The following PIK3R1 variants were observed in gnomAD, a reference collection of about 807,000 sequenced individuals.
The protein encoded by PIK3R1 is phosphatidylinositol 3-kinase regulatory subunit alpha.
PIK3R1 carries 29 observed loss-of-function variants against 98.0 expected under a neutral mutation model. The ratio of observed to expected loss-of-function variants is 0.30; its 90% CI spans 0.22 to 0.40. The LOEUF is 0.40. PIK3R1 is among the 10% of genes least tolerant of loss of function. The pLI, the probability that PIK3R1 is intolerant of heterozygous loss-of-function variation, is 1.00. For missense variants in PIK3R1, 596 were observed against 872.7 expected, an observed-to-expected ratio of 0.68 and a Z score of 3.99; for synonymous variants, 282 against 311.8, an observed-to-expected ratio of 0.90 and a Z score of 1.01.
chr5:68,229,710 G>T (rs2111975876), intron 2 of PIK3R1, among the ~76,000 whole-genome samples: 1 of 152,288 alleles, frequency 6.6e-6, no homozygotes, highest in Admixed American at 6.5e-5. Flanking sequence ...CTCTGGCCAA[G>T]AGTACGTTCT....
chr5:68,226,086 G>T (rs547504708), intron 1 of PIK3R1, among the ~76,000 whole-genome samples: 1 of 151,902 alleles, frequency 6.6e-6, no homozygotes, highest in African/African-American at 2.4e-5. Flanking sequence ...GCCTCATGCC[G>T]ACACTCCTCC....
chr5:68,252,433 A>G (rs1182199227), intron 2 of PIK3R1, among the ~76,000 whole-genome samples: 1 of 152,008 alleles, frequency 6.6e-6, no homozygotes, highest in Non-Finnish European at 1.5e-5. Context: ...TGTAGCATTT[A>G]AAAGTGTGGT....
At chr5:68,256,129 G>C (rs1745505546) in intron 2 of PIK3R1, among the ~76,000 whole-genome samples, 1 of 152,194 alleles carries the variant, frequency 6.6e-6, no homozygotes, top group Non-Finnish European at 1.5e-5. Flanking sequence ...AAAACAGCCT[G>C]AACGTGGTTA....
At chr5:68,248,240 C>T (rs1745177928) in intron 2 of PIK3R1, among the ~76,000 whole-genome samples, 1 of 152,086 alleles carries the variant, frequency 6.6e-6, no homozygotes, top group Admixed American at 6.5e-5. Flanking sequence ...CCTCGGCCTC[C>T]GAGAGTGCTG....
chr5:68,235,114 T>G (rs1382048623), intron 2 of PIK3R1, among the ~76,000 whole-genome samples: 2 of 152,080 alleles, frequency 1.3e-5, no homozygotes, highest in Non-Finnish European at 2.9e-5. Flanking sequence ...AAAAAAATAA[T>G]TTTTGAGGCC....
intron 1 of PIK3R1, among the ~76,000 whole-genome samples, chr5:68,221,581 T>A (rs1744094432): frequency 6.6e-6 from 1 of 152,244 alleles, no homozygotes; most frequent in South Asian, 2.1e-4. Flanking sequence ...GATTTAAAAA[T>A]ATCCTGTATT....
rs1177281170 is a variant in PIK3R1, at chr5:68,298,518, G to C, written c.*917G>C. ...GAAAATATTGTTGTCCCGGATTTTT[G>C]TTAATATTCATTTTTGTTATCCTTT... On this transcript the variant is annotated 3_prime_UTR_variant, in exon 16 of 16. Transcript: ENST00000521381. 42 of 232,178 alleles carry C rather than the reference G, an allele frequency of 1.8e-4. No individual in the cohort carries two copies. The Admixed American group carries it at 2.4e-3, about 13-fold the overall frequency. The allele number at this position is 232,178 out of a possible 1,614,324, so 14.4% of individuals were successfully genotyped here. A position where few individuals can be genotyped will look rare whatever the true frequency, so the allele number is the denominator to read the frequency against.
At position 68,279,722 on chromosome 5, in the gene PIK3R1, C is replaced by A; in HGVS notation, c.623C>A (p.Ser208Tyr). 2 of 1,614,090 alleles carry A rather than the reference C, an allele frequency of 1.2e-6. No homozygotes were observed. Among genetic ancestry groups the A allele is most frequent in the Non-Finnish European group, 1.7e-6 (2 of 1,179,996 alleles). ...GCAGCCGTTTACAGTGAAATGATTTCTTTAGCTCCAGGTTTGTTTTTTCTC... is the reference window on the plus strand; with the variant it reads ...GCAGCCGTTTACAGTGAAATGATTTATTTAGCTCCAGGTTTGTTTTTTCTC... ...IPAAVYSEMI[S>Y]LAPEVQSSEE... The change falls in exon 5 of 16, where the codon TCT becomes TAT. Residue 208 changes from serine to tyrosine, a missense_variant. By Grantham distance (144) the Ser-to-Tyr change is moderately radical. Coordinates refer to ENST00000521381, the MANE Select transcript of PIK3R1 (RefSeq NM_181523.3).
intron 11 of PIK3R1, 110 bp from the exon 12 acceptor site, chr5:68,294,426 A>G: frequency 1.5e-6 from 1 of 674,968 alleles, no homozygotes; most frequent in Admixed American, 3.6e-5. Flanking sequence ...GATTTTATGA[A>G]TTTGAGTCCC....
intron 1 of PIK3R1, among the ~76,000 whole-genome samples, chr5:68,226,026 T>C (rs1207250906): frequency 6.6e-6 from 1 of 152,134 alleles, no homozygotes; most frequent in Non-Finnish European, 1.5e-5. Flanking sequence ...TGGCTCTGTG[T>C]ACTCTGAGCC....
chr5:68,269,942 A>G (rs1397155931), intron 2 of PIK3R1, among the ~76,000 whole-genome samples: 2 of 152,136 alleles, frequency 1.3e-5, no homozygotes, highest in Admixed American at 1.3e-4. Flanking sequence ...CAAAATCCTG[A>G]TCAGCTATGA....
At chr5:68,250,848 T>C (rs1012293537) in intron 2 of PIK3R1, among the ~76,000 whole-genome samples, 31 of 152,188 alleles carry the variant, frequency 2.0e-4, no homozygotes, top group African/African-American at 7.5e-4. Context: ...GGAGCTTGAA[T>C]TGGTGCTCTT....
At position 68,300,580 on chromosome 5, in the gene PIK3R1, G is replaced by A. The variant is rs558488304; in HGVS notation, c.*2979G>A. ...TCATAACCATGTGAAAAGGCAAAAA[G>A]CATGTGTTTGCAACATCTGATAACT... is the stretch of plus-strand genomic sequence containing the variant. On this transcript the variant is annotated 3_prime_UTR_variant, in exon 16 of 16. Transcript: ENST00000521381. 118 of 233,268 alleles carry A rather than the reference G, an allele frequency of 5.1e-4. No homozygotes were observed. The highest frequency in any genetic ancestry group is 2.5e-3 in the African/African-American group (114 of 45,468). The allele number at this position is 233,268 out of a possible 1,614,324, so 14.4% of individuals were successfully genotyped here.
At chr5:68,256,990 G>A (rs916016306) in intron 2 of PIK3R1, among the ~76,000 whole-genome samples, 2 of 152,122 alleles carry the variant, frequency 1.3e-5, no homozygotes, top group Non-Finnish European at 2.9e-5. Flanking sequence ...GAGGGAAGAC[G>A]TGCTTTATGG....
chr5:68,245,453 C>G (rs1179064869), intron 2 of PIK3R1, among the ~76,000 whole-genome samples: 1 of 152,118 alleles, frequency 6.6e-6, no homozygotes, highest in African/African-American at 2.4e-5. Context: ...CTTTTCCATT[C>G]ATTGTTCTTG....
At chr5:68,265,254 G>C (rs1746076611) in intron 2 of PIK3R1, among the ~76,000 whole-genome samples, 1 of 152,106 alleles carries the variant, frequency 6.6e-6, no homozygotes, top group Non-Finnish European at 1.5e-5. Flanking sequence ...GGAATATTCT[G>C]ACACGCAGAG....
At chr5:68,288,576 C>G (rs1747196335) in intron 7 of PIK3R1, 1 of 1,522,284 alleles carries the variant, frequency 6.6e-7, no homozygotes. Flanking sequence ...TGGCGGCGCC[C>G]CCGCTCCTGC....
intron 2 of PIK3R1, among the ~76,000 whole-genome samples, chr5:68,241,229 C>A (rs1348125759): frequency 1.3e-5 from 2 of 151,896 alleles, no homozygotes; most frequent in African/African-American, 4.8e-5. Flanking sequence ...GAAAAAAAAT[C>A]TTTTGTTTAT....
rs1338284462 is a variant in PIK3R1 at position 68,244,513 on chromosome 5, C to CTG, written c.334+17504_334+17505insTG. 2.6e-3 allele frequency among the ~76,000 whole-genome samples: 99 copies of CTG among 37,494 alleles called. 42 individuals are homozygous for CTG. The highest frequency in any genetic ancestry group is 3.6e-3 in the Non-Finnish European group (61 of 17,104). The allele number at this position is 37,494 out of a possible 152,430, so 24.6% of individuals were successfully genotyped here. A position where few individuals can be genotyped will look rare whatever the true frequency, so the allele number is the denominator to read the frequency against. Reference sequence around the variant, plus strand: ...TTTAGGGCCGCCTATTTCTCTAGGACCGCCCCCCCGCCCCCCGCCGCCGCT... The same window carrying CTG: ...TTTAGGGCCGCCTATTTCTCTAGGACTGCGCCCCCCCGCCCCCCGCCGCCGCT... On this transcript the variant is annotated intron_variant, in intron 2 of 15. Coordinates refer to ENST00000521381, the MANE Select transcript of PIK3R1 (RefSeq NM_181523.3).
Sources: allele counts gnomAD v4.1 joint callset (sites outside exome capture counted in the v4.1 genomes callset), GRCh38; gene constraint gnomAD v4.1.1; transcripts MANE v1.5; gene names NCBI Gene and HGNC (gene_info 2026-07-23, HGNC 2026-07-21).